The following HAPLN1 variants were observed in gnomAD, a reference collection of about 807,000 sequenced individuals.
HAPLN1 encodes the protein Cartilage link protein.
HAPLN1 carries 13 observed loss-of-function variants against 36.5 expected under a neutral mutation model. The ratio of observed to expected loss-of-function variants is 0.36; its 90% CI spans 0.23 to 0.57. The LOEUF (loss-of-function observed/expected upper bound fraction) is 0.57, where lower values mean the gene tolerates loss of function less well. Among genes scored for constraint, HAPLN1 ranks in the 20% least tolerant of loss-of-function variants. The probability of loss-of-function intolerance (pLI) is 0.83; values close to 1 mark genes in which losing one functional copy is unlikely to be tolerated. For missense variants in HAPLN1, 407 were observed against 439.7 expected, an observed-to-expected ratio of 0.93 and a Z score of 0.66; for synonymous variants, 202 against 169.8, an observed-to-expected ratio of 1.19 and a Z score of -1.48.
intron 1 of HAPLN1, among the ~76,000 whole-genome samples, chr5:83,704,841 G>T (rs1751594926): frequency 6.6e-6 from 1 of 152,170 alleles, no homozygotes; most frequent in Admixed American, 6.5e-5. Flanking sequence ...GTATTAGACA[G>T]ATCATCAAGG....
chr5:83,659,862 GA>G (rs1422790728), intron 2 of HAPLN1, among the ~76,000 whole-genome samples: 17 of 151,984 alleles, frequency 1.1e-4, no homozygotes, highest in Admixed American at 7.9e-4. Flanking sequence ...AACCATAAAG[GA>G]AAAAAATCTA....
chr5:83,710,080 T>C (rs1751742276), intron 1 of HAPLN1, among the ~76,000 whole-genome samples: 1 of 152,222 alleles, frequency 6.6e-6, no homozygotes, highest in Non-Finnish European at 1.5e-5. Flanking sequence ...TTTGACAGGT[T>C]TGTGAGATGT....
Position 83,644,594 on chromosome 5 carries a change from G to C in HAPLN1, c.544C>G (p.Leu182Val), listed in dbSNP as rs1175089537. The C allele has an allele frequency of 7.0e-6, 11 of 1,562,172 alleles. No individual in the cohort carries two copies. The highest frequency in any genetic ancestry group is 7.8e-6 in the Non-Finnish European group (9 of 1,153,174). Residue 182 changes from leucine (L) to valine (V), a missense_variant, in exon 4 of 5, where the codon CTG (leucine) becomes GTG (valine). Transcript: ENST00000274341. ...GAGGCGATCACAGCATCCTGGTCCA[G>C]ACACGCCTGCTGCGCCTCGTGAAAA... is the stretch of plus-strand genomic sequence containing the variant. ...LNFHEAQQAC[L>V]DQDAVIASFD...
At chr5:83,662,042 A>C (rs1387009665) in intron 2 of HAPLN1, among the ~76,000 whole-genome samples, 1 of 152,164 alleles carries the variant, frequency 6.6e-6, no homozygotes, top group East Asian at 1.9e-4. Context: ...AGCTGGGATT[A>C]TAGGCACCCG....
chr5:83,658,531 C>T (rs923288891), intron 2 of HAPLN1, among the ~76,000 whole-genome samples: 57 of 152,118 alleles, frequency 3.7e-4, no homozygotes, highest in African/African-American at 1.3e-3. Flanking sequence ...AAGTAGAATA[C>T]GTAATTTAAA....
intron 1 of HAPLN1, among the ~76,000 whole-genome samples, chr5:83,715,189 G>T (rs1751890446): frequency 6.6e-6 from 1 of 152,180 alleles, no homozygotes. Context: ...TCTTTTTACA[G>T]AAAACAAAAC....
chr5:83,682,667 A>G (rs1281090271), intron 1 of HAPLN1: 2 of 152,184 alleles, frequency 1.3e-5, no homozygotes, highest in Non-Finnish European at 2.9e-5. Context: ...TATAAGTAAC[A>G]AAGTGTGTTC....
intron 1 of HAPLN1, among the ~76,000 whole-genome samples, chr5:83,688,030 C>A (rs1269295326): frequency 6.6e-6 from 1 of 152,074 alleles, no homozygotes; most frequent in Non-Finnish European, 1.5e-5. Flanking sequence ...TTGTCTCAAC[C>A]TTTTTGTCTT....
In HAPLN1 at chr5:83,644,598, C is replaced by T. The variant is rs757471037; in HGVS notation, c.540G>A (p.Ala180=). 2.3e-5 allele frequency: 35 copies of T among 1,528,964 alleles called. No individual in the cohort carries two copies. Among genetic ancestry groups the T allele is most frequent in the East Asian group, 2.2e-4 (9 of 41,622 alleles). 94.7% of individuals were successfully genotyped at this position (1,528,964 alleles called of 1,614,324 possible). The change falls in exon 4 of 5, where the codon GCG becomes GCA. Residue 180 remains alanine (A), a synonymous_variant. Transcript: ENST00000274341. ...CGATCACAGCATCCTGGTCCAGACA[C>T]GCCTGCTGCGCCTCGTGAAAATTGA... is the stretch of plus-strand genomic sequence containing the variant. The part of the protein sequence containing the change: ...YNLNFHEAQQ[A]CLDQDAVIAS...
At chr5:83,689,940 T>C (rs1456776140) in intron 1 of HAPLN1, among the ~76,000 whole-genome samples, 1 of 152,106 alleles carries the variant, frequency 6.6e-6, no homozygotes, top group East Asian at 1.9e-4. Context: ...AAACAAAATA[T>C]CTCATTGCTA....
intron 1 of HAPLN1, among the ~76,000 whole-genome samples, chr5:83,687,726 G>A (rs2112616084): frequency 6.6e-6 from 1 of 152,264 alleles, no homozygotes; most frequent in Admixed American, 6.5e-5. Flanking sequence ...TCTGTTAATT[G>A]TAACATTTTA....
intron 3 of HAPLN1, among the ~76,000 whole-genome samples, chr5:83,644,946 C>T (rs1198532228): frequency 1.3e-5 from 2 of 152,138 alleles, no homozygotes; most frequent in Non-Finnish European, 2.9e-5. Context: ...AGAGATCTGT[C>T]TACAGTTTAC....
At chr5:83,689,801 A>C (rs1751227444) in intron 1 of HAPLN1, among the ~76,000 whole-genome samples, 1 of 152,142 alleles carries the variant, frequency 6.6e-6, no homozygotes, top group East Asian at 1.9e-4. Flanking sequence ...CAAATCAGAT[A>C]GTTTACACAC....
At chr5:83,692,998 A>G (rs554703510) in intron 1 of HAPLN1, among the ~76,000 whole-genome samples, 1 of 152,012 alleles carries the variant, frequency 6.6e-6, no homozygotes, top group South Asian at 2.1e-4. Flanking sequence ...CAAATCTTAC[A>G]TATGTTGTGT....
intron 1 of HAPLN1, among the ~76,000 whole-genome samples, chr5:83,694,191 T>A (rs67749123): frequency 0.27 from 41,235 of 151,772 alleles, 6,402 homozygotes; most frequent in East Asian, 0.41. Flanking sequence ...AAATTTTAAA[T>A]AACCCAAGGG....
chr5:83,670,400 A>G (rs1395050374), intron 2 of HAPLN1, among the ~76,000 whole-genome samples: 1 of 152,178 alleles, frequency 6.6e-6, no homozygotes, highest in East Asian at 1.9e-4. Flanking sequence ...TATTGCCTAC[A>G]TTGAGGACAG....
Position 83,663,880 on chromosome 5 carries a change from TCTCACCTGAACTTTCAAGATC to T in HAPLN1, c.100+9523_100+9543del, listed in dbSNP as rs148335609. On this transcript the variant is annotated intron_variant, in intron 2 of 4. Transcript: ENST00000274341. Reference sequence around the variant, plus strand: ...CATCCTGGTCCCTGCCACCATGATTTCTCACCTGAACTTTCAAGATCCTCCTAAAAGGTAGCCTCACCTTTA... The same window carrying T: ...CATCCTGGTCCCTGCCACCATGATTTCTCCTAAAAGGTAGCCTCACCTTTA... Among the ~76,000 whole-genome samples, 431 of 151,782 alleles carry T rather than the reference TCTCACCTGAACTTTCAAGATC, an allele frequency of 2.8e-3. 1 individual carries two copies. The highest frequency in any genetic ancestry group is 0.01 in the African/African-American group (416 of 41,356).
intron 3 of HAPLN1, among the ~76,000 whole-genome samples, chr5:83,651,835 G>A (rs1053851882): frequency 2.6e-5 from 4 of 152,104 alleles, no homozygotes; most frequent in Non-Finnish European, 4.4e-5. Flanking sequence ...TTATTGTACA[G>A]GTTTGTACAC....
rs202185751 is a variant in HAPLN1, at chr5:83,673,452, C to G, written c.72G>C (p.Leu24=). 4 of 1,611,430 alleles carry G rather than the reference C, an allele frequency of 2.5e-6. No homozygotes were observed. The highest frequency in any genetic ancestry group is 3.4e-6 in the Non-Finnish European group (4 of 1,178,830). ...GGATGTGAATAGCTCTGTCATGATC[C>G]AGAGTATAGTTGTCTGAAAGATGAT... is the stretch of plus-strand genomic sequence containing the variant. ...WADHLSDNYT[L]DHDRAIHIQA... is the part of the protein sequence containing the mutation. Residue 24 remains leucine, a synonymous_variant, in exon 2 of 5, where the codon CTG becomes CTC. Coordinates refer to ENST00000274341, the MANE Select transcript of HAPLN1 (RefSeq NM_001884.4).
Sources: allele counts gnomAD v4.1 joint callset (sites outside exome capture counted in the v4.1 genomes callset), GRCh38; gene constraint gnomAD v4.1.1; transcripts MANE v1.5; gene names NCBI Gene and HGNC (gene_info 2026-07-23, HGNC 2026-07-21).